Variants in C12orf42 observed in about 807,000 individuals in gnomAD.
The protein encoded by C12orf42 is uncharacterized protein C12orf42.
A neutral mutation model predicts 21.6 loss-of-function variants in C12orf42; 25 were observed. The observed-to-expected ratio is 1.16, with a 90% confidence interval of 0.84 to 1.62. The LOEUF (loss-of-function observed/expected upper bound fraction) is 1.62, where lower values mean the gene tolerates loss of function less well. Among genes scored for constraint, C12orf42 ranks in the 40% most tolerant of loss-of-function variants. The probability of loss-of-function intolerance (pLI) is 0.00; values close to 1 mark genes in which losing one functional copy is unlikely to be tolerated. For synonymous variants in C12orf42, 174 were observed against 175.0 expected (o/e 0.99, Z 0.05); for missense variants, 483 against 459.3 (o/e 1.05, Z -0.47).
intron 4 of C12orf42, among the ~76,000 whole-genome samples, chr12:103,278,221 T>A (rs1407126864): frequency 1.3e-5 from 2 of 152,146 alleles, no homozygotes; most frequent in Non-Finnish European, 2.9e-5. Context: ...CTACCAGATG[T>A]TAAGGGTTTT....
At chr12:103,093,848 G>C in the C12orf42 span, among the ~76,000 whole-genome samples, 4 of 152,196 alleles carry the variant, frequency 2.6e-5, no homozygotes, top group African/African-American at 9.7e-5. Flanking sequence ...TCAAGACTTA[G>C]ATGTCCTAAG....
At chr12:103,180,819 G>C in the C12orf42 span, among the ~76,000 whole-genome samples, 1 of 150,676 alleles carries the variant, frequency 6.6e-6, no homozygotes, top group African/African-American at 2.4e-5. Flanking sequence ...GTAGAGATGG[G>C]GTTTCTCCAT....
chr12:103,533,043 A>C, the C12orf42 span, among the ~76,000 whole-genome samples: 2 of 152,208 alleles, frequency 1.3e-5, no homozygotes, highest in African/African-American at 4.8e-5. Context: ...GATTCCTTTC[A>C]GACTCATTCC....
chr12:103,353,387 A>G (rs1047437414), intron 4 of C12orf42, among the ~76,000 whole-genome samples: 1 of 152,094 alleles, frequency 6.6e-6, no homozygotes, highest in Non-Finnish European at 1.5e-5. Flanking sequence ...TTAATCCAGC[A>G]TGCTAAGGAA....
In C12orf42 at chr12:103,332,706, T is replaced by C. The variant is rs117982693; in HGVS notation, c.260-26361A>G. On this transcript the variant is annotated intron_variant, in intron 4 of 5. Coordinates refer to ENST00000548883, the MANE Select transcript of C12orf42 (RefSeq NM_198521.5). ...TAGAATTGTGTCCCCACAAAAGATA[T>C]GTAAAGGTCCCAACTGCTGGTACCT... Among the ~76,000 whole-genome samples, 384 of 152,390 alleles carry C rather than the reference T, an allele frequency of 2.5e-3. 2 individuals carry two copies. Among genetic ancestry groups the C allele is most frequent in the Non-Finnish European group, 4.8e-3 (324 of 68,042 alleles).
chr12:103,194,460 T>C, the C12orf42 span, among the ~76,000 whole-genome samples: 1 of 152,116 alleles, frequency 6.6e-6, no homozygotes, highest in Non-Finnish European at 1.5e-5. Context: ...AGTAAATAAA[T>C]ACAGCATATT....
rs560578164 is a variant in C12orf42, at chr12:103,449,805, GA to G, written c.78+28543del. Among the ~76,000 whole-genome samples, 448 of 135,026 alleles carry G rather than the reference GA, an allele frequency of 3.3e-3. 9 individuals carry two copies. The highest frequency in any genetic ancestry group is 0.011 in the African/African-American group (388 of 34,058). The allele number at this position is 135,026 out of a possible 152,430, so 88.6% of individuals were successfully genotyped here. ...TTAGAATTTTTTTCTAGTTCCATTT[GA>G]AAAAAAAAAAAAAGCATTCACTCAA... On this transcript the variant is annotated intron_variant, in intron 2 of 5. Transcript: ENST00000548883.
chr12:103,235,326 G>C (rs1476747927), downstream of C12orf42, among the ~76,000 whole-genome samples: 1 of 152,078 alleles, frequency 6.6e-6, no homozygotes, highest in Non-Finnish European at 1.5e-5. Context: ...AAAGAAACCA[G>C]GAGAGATTCA....
At chr12:103,323,544 A>C (rs1269923755) in intron 4 of C12orf42, among the ~76,000 whole-genome samples, 1 of 152,254 alleles carries the variant, frequency 6.6e-6, no homozygotes, top group Non-Finnish European at 1.5e-5. Context: ...GTGCAGACAA[A>C]ATAAAATGAA....
rs534776908 is a variant in C12orf42 at position 103,317,361 on chromosome 12, T to A, written c.260-11016A>T. 6.6e-5 allele frequency among the ~76,000 whole-genome samples: 10 copies of A among 152,288 alleles called. No homozygotes were observed. The South Asian group carries it at 2.1e-3, about 32-fold the overall frequency. On this transcript the variant is annotated intron_variant, in intron 4 of 5. Transcript: ENST00000548883. Reference sequence around the variant, plus strand: ...TGCAACAGAAGATAACTGCAGAGTATTCAGATATAGTTCATCCTCCTCCCA... The same window carrying A: ...TGCAACAGAAGATAACTGCAGAGTAATCAGATATAGTTCATCCTCCTCCCA...
chr12:103,118,691 G>A, the C12orf42 span, among the ~76,000 whole-genome samples: 13 of 148,014 alleles, frequency 8.8e-5, no homozygotes, highest in African/African-American at 2.0e-4. Context: ...CCAGCTACTC[G>A]GGAGGCTGAG....
chr12:103,089,033 C>T, the C12orf42 span, among the ~76,000 whole-genome samples: 4 of 135,002 alleles, frequency 3.0e-5, no homozygotes, highest in Non-Finnish European at 4.6e-5. Flanking sequence ...ACCCGGGAGG[C>T]GGAGCTTGCA....
At chr12:103,271,404 C>T (rs58305679) in intron 5 of C12orf42, among the ~76,000 whole-genome samples, 13,922 of 152,142 alleles carry the variant, frequency 0.092, 1,763 homozygotes, top group African/African-American at 0.29. Flanking sequence ...AAGCCCTGAA[C>T]AGTGGCTTTC....
At chr12:103,499,052 T>C (rs994669172), upstream of C12orf42, among the ~76,000 whole-genome samples, 9 of 151,704 alleles carry the variant, frequency 5.9e-5, no homozygotes, top group African/African-American at 1.7e-4. Context: ...AAGTCTTAAC[T>C]CACACAAGCA....
the C12orf42 span, among the ~76,000 whole-genome samples, chr12:103,083,567 T>C: frequency 6.6e-6 from 1 of 152,154 alleles, no homozygotes; most frequent in African/African-American, 2.4e-5. Flanking sequence ...TTGCTATCAG[T>C]TTTTTTAAAA....
the C12orf42 span, among the ~76,000 whole-genome samples, chr12:103,186,805 T>C: frequency 2.6e-5 from 4 of 152,180 alleles, no homozygotes; most frequent in African/African-American, 9.7e-5. Flanking sequence ...CTCATTATTA[T>C]TATAAGATGT....
chr12:103,413,544 T>C (rs10400543), intron 2 of C12orf42, among the ~76,000 whole-genome samples: 28,151 of 151,902 alleles, frequency 0.19, 3,053 homozygotes, highest in East Asian at 0.35. Context: ...GGTTAAGTCC[T>C]TTAGTGGTGA....
At chr12:103,511,528 G>T in the C12orf42 span, among the ~76,000 whole-genome samples, 1 of 151,774 alleles carries the variant, frequency 6.6e-6, no homozygotes, top group East Asian at 1.9e-4. Flanking sequence ...GGGGTATAAG[G>T]TATTCCAAAG....
At chr12:103,336,625 T>C (rs1290140285) in intron 4 of C12orf42, among the ~76,000 whole-genome samples, 1 of 152,232 alleles carries the variant, frequency 6.6e-6, no homozygotes, top group African/African-American at 2.4e-5. Flanking sequence ...GCATCAAATA[T>C]ATGTAATCCT....
Sources: gnomAD v4.1 joint callset for allele counts (sites outside exome capture counted in the v4.1 genomes callset) on GRCh38, gnomAD v4.1.1 for gene constraint, MANE v1.5 for transcripts, NCBI Gene and HGNC (gene_info 2026-07-23, HGNC 2026-07-21) for gene names.